WASHC4: variants seen among roughly 807,000 people sequenced by gnomAD.
The protein encoded by WASHC4 is WASH complex subunit 4.
WASHC4 carries 86 observed loss-of-function variants against 166.6 expected under a neutral mutation model. The observed-to-expected ratio is 0.52, with a 90% CI of 0.43 to 0.62. The LOEUF (loss-of-function observed/expected upper bound fraction) is 0.62, where lower values mean the gene tolerates loss of function less well. Ranked by LOEUF, WASHC4 falls within the 20% of genes least tolerant of loss-of-function variation. The pLI is 0.00. For missense variants in WASHC4, 1,262 were observed against 1,382.4 expected (o/e 0.91, Z 1.38); for synonymous variants, 446 against 451.6 (o/e 0.99, Z 0.16).
Position 105,144,393 on chromosome 12 carries a change from A to G in WASHC4, c.2117A>G (p.Asp706Gly), listed in dbSNP as rs924986790. 3 of 1,613,502 alleles carry G rather than the reference A, an allele frequency of 1.9e-6. No individual in the cohort carries two copies. The highest frequency in any genetic ancestry group is 8.5e-7 in the Non-Finnish European group (1 of 1,179,546). The change falls in exon 21 of 33, where the codon GAC (aspartate) becomes GGC (glycine). Residue 706 changes from aspartate to glycine, a missense_variant. Coordinates refer to ENST00000332180, the MANE Select transcript of WASHC4 (RefSeq NM_015275.3). ...AACCCTTTCAAAGTTGGCATGAAAG[A>G]CCTGGCTCTTTTTTTCTCTCTGAAT... ...DRNPFKVGMKDLALFFSLNPI... is the reference protein window; with the variant it reads ...DRNPFKVGMKGLALFFSLNPI...
chr12:105,139,032 TG>T (rs1296596802), intron 15 of WASHC4, among the ~76,000 whole-genome samples: 1 of 152,180 alleles, frequency 6.6e-6, no homozygotes, highest in Non-Finnish European at 1.5e-5. Context: ...CTTTTTAGCT[TG>T]CCAAATATGG....
At position 105,127,445 on chromosome 12, in the gene WASHC4, G is replaced by A. The variant is rs138209599; in HGVS notation, c.1199+156G>A. Among the ~76,000 whole-genome samples, 226 of 152,214 alleles carry A rather than the reference G, an allele frequency of 1.5e-3. 1 individual carries two copies. Among genetic ancestry groups the A allele is most frequent in the African/African-American group, 5.1e-3 (213 of 41,558 alleles). On this transcript the variant is annotated intron_variant, in intron 13 of 32. Transcript: ENST00000332180. ...TCTCCAGGAGATTTGTTTTCTAGAAGTTTTTTGTAAAGAATATTTTACACT... is the reference window on the plus strand; with the variant it reads ...TCTCCAGGAGATTTGTTTTCTAGAAATTTTTTGTAAAGAATATTTTACACT...
chr12:105,131,277 G>A (rs373743759), intron 13 of WASHC4, among the ~76,000 whole-genome samples: 3 of 150,734 alleles, frequency 2.0e-5, no homozygotes, highest in Non-Finnish European at 4.4e-5. Context: ...TAGTAGAGAC[G>A]GGGTTTCACC....
intron 1 of WASHC4, among the ~76,000 whole-genome samples, chr12:105,110,663 T>C (rs1037574414): frequency 1.3e-5 from 2 of 152,250 alleles, no homozygotes; most frequent in African/African-American, 4.8e-5. Flanking sequence ...AGGTGTATTA[T>C]TAAACATTAG....
intron 6 of WASHC4, among the ~76,000 whole-genome samples, chr12:105,117,774 G>A (rs1398148035): frequency 6.6e-6 from 1 of 152,064 alleles, no homozygotes; most frequent in Non-Finnish European, 1.5e-5. Context: ...GTTTTAATTA[G>A]GTTTTAAATA....
At position 105,116,682 on chromosome 12, in the gene WASHC4, A is replaced by G. The variant is rs149985386; in HGVS notation, c.435+954A>G. ...TGCACTTGACTATAGTAACCTTTTT[A>G]TTATCGGTATGTATCCCATAACATG... On this transcript the variant is annotated intron_variant, in intron 6 of 32. Coordinates refer to ENST00000332180, the MANE Select transcript of WASHC4 (RefSeq NM_015275.3). 1.1e-3 allele frequency among the ~76,000 whole-genome samples: 169 copies of G among 152,342 alleles called. 1 individual carries two copies. The highest frequency in any genetic ancestry group is 3.4e-3 in the African/African-American group (143 of 41,584).
At chr12:105,142,896 T>A (rs968195703) in intron 19 of WASHC4, among the ~76,000 whole-genome samples, 2 of 152,074 alleles carry the variant, frequency 1.3e-5, no homozygotes, top group Admixed American at 6.6e-5. Flanking sequence ...GAAATAAGTG[T>A]GTTTAAATGC....
intron 4 of WASHC4, among the ~76,000 whole-genome samples, 195 bp from the exon 5 acceptor site, chr12:105,114,989 T>C (rs1351168433): frequency 6.6e-6 from 1 of 152,004 alleles, no homozygotes; most frequent in Admixed American, 6.6e-5. Flanking sequence ...GGAATCAAGA[T>C]ACAGCTTTGA....
chr12:105,160,054 A>G lies in WASHC4; in HGVS notation c.2966A>G (p.Glu989Gly). The G allele has an allele frequency of 6.2e-7, 1 of 1,613,990 alleles. No individual in the cohort carries two copies. Among genetic ancestry groups the G allele is most frequent in the Non-Finnish European group, 8.5e-7 (1 of 1,179,834 alleles). ...ACACGAAATTCTGCCGAAGGCACAG[A>G]ATATTTCAAAATGCTTGTAGACGTT... ...DHTRNSAEGT[E>G]YFKMLVDVFA... The change falls in exon 29 of 33, where the codon GAA becomes GGA. Residue 989 changes from glutamate (E) to glycine (G), a missense_variant. Coordinates refer to ENST00000332180, the MANE Select transcript of WASHC4 (RefSeq NM_015275.3).
chr12:105,110,649 A>G (rs928908423), intron 1 of WASHC4, among the ~76,000 whole-genome samples: 1 of 152,242 alleles, frequency 6.6e-6, no homozygotes, highest in Non-Finnish European at 1.5e-5. Flanking sequence ...ATTTAAAAAT[A>G]TTTAGGTGTA....
chr12:105,113,429 A>G (rs2135721997), intron 2 of WASHC4, among the ~76,000 whole-genome samples: 1 of 152,044 alleles, frequency 6.6e-6, no homozygotes, highest in Non-Finnish European at 1.5e-5. Flanking sequence ...TAATCTTTAC[A>G]ATCTTATTAT....
chr12:105,126,019 C>T lies in WASHC4; in HGVS notation c.802C>T (p.Gln268Ter). The part of the protein sequence containing the change: ...GMIFQACIEQ[Q>*]FDSLNGGVSV... ...TCCTGTCTAGGCCTGTATAGAACAACAATTTGATTCTCTCAATGGAGGAGT... is the reference window on the plus strand; with the variant it reads ...TCCTGTCTAGGCCTGTATAGAACAATAATTTGATTCTCTCAATGGAGGAGT... The change falls in exon 11 of 33, where the codon CAA (glutamine) becomes TAA (stop). Residue 268 changes from glutamine (Q) to a stop codon, truncating the protein, a stop_gained. Transcript: ENST00000332180. LOFTEE classifies it high-confidence loss of function. 2 of 1,612,302 alleles carry T rather than the reference C, an allele frequency of 1.2e-6. No individual in the cohort carries two copies. The highest frequency in any genetic ancestry group is 2.2e-5 in the South Asian group (2 of 91,040).
chr12:105,137,957 G>A lies in WASHC4; in HGVS notation c.1398G>A (p.Lys466=). ...TTMNLYMSMQ[K]PMTKTSVKAL... ...TGAATCTCTACATGTCCATGCAAAA[G>A]CCAATGACCAAAACCTCAGTTAAGG... Residue 466 remains lysine (K), a synonymous_variant, in exon 15 of 33, where the codon AAG becomes AAA. Transcript: ENST00000332180. 6.2e-7 allele frequency: 1 copy of A among 1,613,110 alleles called. No individual in the cohort carries two copies. Among genetic ancestry groups the A allele is most frequent in the Non-Finnish European group, 8.5e-7 (1 of 1,179,304 alleles).
At position 105,167,022 on chromosome 12, in the gene WASHC4, C is replaced by T. The variant is rs1342349920; in HGVS notation, c.*91C>T. 1.2e-6 allele frequency: 1 copy of T among 859,012 alleles called. No individual in the cohort carries two copies. The highest frequency in any genetic ancestry group is 2.0e-6 in the Non-Finnish European group (1 of 506,648). The allele number at this position is 859,012 out of a possible 1,614,324, so 53.2% of individuals were successfully genotyped here. On this transcript the variant is annotated 3_prime_UTR_variant, in exon 33 of 33. Coordinates refer to ENST00000332180, the MANE Select transcript of WASHC4 (RefSeq NM_015275.3). ...TGGATAAACTATTGATGAATTGTTT[C>T]CTGGGTCACATCTCTGGAAAATAGA...
chr12:105,135,618 T>G (rs972452190), intron 14 of WASHC4, among the ~76,000 whole-genome samples: 1 of 152,062 alleles, frequency 6.6e-6, no homozygotes. Context: ...TCATGCAATA[T>G]TCTTTACCAT....
intron 24 of WASHC4, chr12:105,148,528 T>G: frequency 2.0e-6 from 2 of 985,324 alleles, no homozygotes; most frequent in African/African-American, 3.5e-5. Flanking sequence ...CATAGAAGGA[T>G]AGAAATCAGG....
At chr12:105,138,112 C>A in intron 15 of WASHC4, 101 bp downstream of exon 15, 1 of 1,190,678 alleles carries the variant, frequency 8.4e-7, no homozygotes, top group South Asian at 1.6e-5. Context: ...TATATGAGAA[C>A]AGAAAATTGT....
chr12:105,155,598 T>C (rs972767470), intron 26 of WASHC4, among the ~76,000 whole-genome samples: 1 of 152,064 alleles, frequency 6.6e-6, no homozygotes, highest in East Asian at 1.9e-4. Flanking sequence ...CCCAGCACTT[T>C]GGGAGGCCGA....
chr12:105,120,565 A>C lies in WASHC4; in HGVS notation c.529A>C (p.Lys177Gln). 6.2e-7 allele frequency: 1 copy of C among 1,601,506 alleles called. No homozygotes were observed. The highest frequency in any genetic ancestry group is 1.1e-5 in the South Asian group (1 of 90,788). The change falls in exon 8 of 33, where the codon AAA (lysine) becomes CAA (glutamine). Residue 177 changes from lysine (K) to glutamine (Q), a missense_variant. By Grantham distance (53) the Lys-to-Gln change is moderately conservative (BLOSUM62 1). Transcript: ENST00000332180. ...ALYISNKIAP[K>Q]IIETTGVHFQ... ...GTTATTTTATTATAGGATTGCACCC[A>C]AAATTATAGAGACAACTGGAGTTCA...
Sources: allele counts gnomAD v4.1 joint callset (sites outside exome capture counted in the v4.1 genomes callset), GRCh38; gene constraint gnomAD v4.1.1; transcripts MANE v1.5; gene names NCBI Gene and HGNC (gene_info 2026-07-23, HGNC 2026-07-21).